Variants in PTK2 observed in about 807,000 individuals in gnomAD.
The protein encoded by PTK2 is focal adhesion kinase 1.
PTK2 carries 45 observed loss-of-function variants against 150.1 expected under a neutral mutation model. The ratio of observed to expected loss-of-function variants is 0.30; its 90% CI spans 0.24 to 0.38. The LOEUF is 0.38. PTK2 is among the 10% of genes least tolerant of loss of function. The probability of loss-of-function intolerance (pLI) is 1.00; values close to 1 mark genes in which losing one functional copy is unlikely to be tolerated. For missense variants in PTK2, 919 were observed against 1,307.3 expected, an observed-to-expected ratio of 0.70 and a Z score of 4.58; for synonymous variants, 432 against 449.2, an observed-to-expected ratio of 0.96 and a Z score of 0.48.
chr8:140,891,696 CA>C (rs2100154302), intron 2 of PTK2, among the ~76,000 whole-genome samples: 2 of 152,212 alleles, frequency 1.3e-5, no homozygotes, highest in Admixed American at 1.3e-4. Flanking sequence ...GAGACTGTGT[CA>C]AACACTCTGC....
At chr8:140,808,087 G>A (rs1027126631) in intron 10 of PTK2, among the ~76,000 whole-genome samples, 5 of 152,164 alleles carry the variant, frequency 3.3e-5, no homozygotes, top group African/African-American at 1.2e-4. Flanking sequence ...GAAAACATGA[G>A]GTACCAGGGA....
chr8:140,995,611 G>T (rs555368855), intron 1 of PTK2, among the ~76,000 whole-genome samples: 1 of 151,818 alleles, frequency 6.6e-6, no homozygotes, highest in South Asian at 2.1e-4. Flanking sequence ...AGAACAGCCT[G>T]CGGAACACGG....
chr8:140,978,304 T>C (rs946445093), intron 1 of PTK2, among the ~76,000 whole-genome samples: 4 of 152,264 alleles, frequency 2.6e-5, no homozygotes, highest in African/African-American at 9.6e-5. Context: ...AAAGAAACTA[T>C]CATCAGAGTG....
chr8:140,828,122 C>T (rs1266874980), intron 8 of PTK2, among the ~76,000 whole-genome samples: 9 of 150,054 alleles, frequency 6.0e-5, no homozygotes, highest in Admixed American at 3.3e-4. Flanking sequence ...GTCGAGATCA[C>T]GCCACTGCAC....
intron 1 of PTK2, among the ~76,000 whole-genome samples, chr8:141,000,191 G>A (rs1445452528): frequency 1.3e-5 from 2 of 151,374 alleles, no homozygotes; most frequent in Admixed American, 1.3e-4. Context: ...TCGGCAAACA[G>A]TTGCGCCTAA....
chr8:140,879,252 GA>G (rs1317129512), intron 4 of PTK2: 1 of 422,992 alleles, frequency 2.4e-6, no homozygotes, highest in Non-Finnish European at 4.0e-6. Flanking sequence ...ACAGAAAACG[GA>G]AATCAGATGG....
intron 20 of PTK2, among the ~76,000 whole-genome samples, chr8:140,740,134 T>C (rs1205858852): frequency 6.6e-6 from 1 of 152,150 alleles, no homozygotes; most frequent in Non-Finnish European, 1.5e-5. Flanking sequence ...ACTCAAAACC[T>C]TAGTAAACAT....
At chr8:140,685,628 A>C (rs1344262633) in intron 27 of PTK2, among the ~76,000 whole-genome samples, 1 of 152,252 alleles carries the variant, frequency 6.6e-6, no homozygotes, top group Non-Finnish European at 1.5e-5. Flanking sequence ...GCCAACAAGC[A>C]TATGAAAAAA....
chr8:140,889,784 T>C (rs912586095), intron 3 of PTK2, among the ~76,000 whole-genome samples: 1 of 152,172 alleles, frequency 6.6e-6, no homozygotes, highest in African/African-American at 2.4e-5. Flanking sequence ...AACATTTAAA[T>C]ACTGAACTCA....
intron 14 of PTK2, 73 bp downstream of exon 15, chr8:140,770,643 G>T: frequency 1.5e-6 from 1 of 668,224 alleles, no homozygotes; most frequent in Non-Finnish European, 2.2e-6. Context: ...TAATCTATAA[G>T]CATCAGGTTA....
In PTK2 at chr8:140,675,392, T is replaced by C. The variant is rs756633753; in HGVS notation, c.2602+68A>G. The C allele has an allele frequency of 5.2e-6, 8 of 1,524,250 alleles. No individual in the cohort carries two copies. In the East Asian group the frequency reaches 9.0e-5, roughly 17 times the overall value. The allele number at this position is 1,524,250 out of a possible 1,614,324, so 94.4% of individuals were successfully genotyped here. On this transcript the variant is annotated intron_variant, in intron 28 of 31. Transcript: ENST00000522684. ...AGGGTATTCCAAAGCTACGACACTA[T>C]ATACATTCAAAACCTGCTTTCATCA...
chr8:140,900,830 C>T (rs1432106745), intron 2 of PTK2, among the ~76,000 whole-genome samples: 2 of 151,838 alleles, frequency 1.3e-5, no homozygotes, highest in African/African-American at 2.4e-5. Flanking sequence ...GACAACAATA[C>T]CCAAAGCAAT....
chr8:140,794,605 C>T, intron 12 of PTK2, among the ~76,000 whole-genome samples: 1 of 152,286 alleles, frequency 6.6e-6, no homozygotes, highest in African/African-American at 2.4e-5. Flanking sequence ...TCACTCTGTC[C>T]TTCTGAGAGC....
At chr8:140,681,741 C>A (rs1435688612) in intron 27 of PTK2, among the ~76,000 whole-genome samples, 1 of 152,190 alleles carries the variant, frequency 6.6e-6, no homozygotes, top group Non-Finnish European at 1.5e-5. Context: ...CGCGCCACTG[C>A]ACTCCAGCCT....
intron 2 of PTK2, among the ~76,000 whole-genome samples, chr8:140,891,012 A>G (rs1479504989): frequency 6.6e-6 from 1 of 152,154 alleles, no homozygotes; most frequent in African/African-American, 2.4e-5. Context: ...CAGGACTCCA[A>G]TTTCAGCTGT....
intron 2 of PTK2, among the ~76,000 whole-genome samples, chr8:140,918,487 A>T (rs1029241598): frequency 1.3e-5 from 2 of 152,188 alleles, no homozygotes; most frequent in African/African-American, 4.8e-5. Context: ...ACTGTCTTTA[A>T]ACCTAGAAAA....
chr8:140,915,236 G>A (rs961348767), intron 2 of PTK2, among the ~76,000 whole-genome samples: 3 of 151,954 alleles, frequency 2.0e-5, no homozygotes, highest in Admixed American at 2.0e-4. Context: ...AGGGATGGGG[G>A]TACAGTGATG....
intron 7 of PTK2, among the ~76,000 whole-genome samples, chr8:140,838,115 AC>A (rs1342893941): frequency 2.0e-5 from 3 of 152,192 alleles, no homozygotes; most frequent in Non-Finnish European, 4.4e-5. Context: ...GCTGTAAACA[AC>A]TGAGTTTGAC....
chr8:140,899,750 C>A (rs967085097), intron 2 of PTK2, among the ~76,000 whole-genome samples: 4 of 152,066 alleles, frequency 2.6e-5, no homozygotes, highest in African/African-American at 9.7e-5. Context: ...AGATCAATTA[C>A]CATGATTAAG....
Sources: allele counts gnomAD v4.1 joint callset (sites outside exome capture counted in the v4.1 genomes callset), GRCh38; gene constraint gnomAD v4.1.1; transcripts MANE v1.5; gene names NCBI Gene and HGNC (gene_info 2026-07-23, HGNC 2026-07-21).